The following CTTNBP2 variants were observed in gnomAD, a reference collection of about 807,000 sequenced individuals.
CTTNBP2 encodes the protein cortactin-binding protein 2.
In CTTNBP2, 108 loss-of-function variants were observed where a neutral mutation model predicts 156.9. The ratio of observed to expected loss-of-function variants is 0.69; its 90% CI spans 0.59 to 0.81. CTTNBP2 has a LOEUF of 0.81. Ranked by LOEUF, CTTNBP2 falls within the 30% of genes least tolerant of loss-of-function variation. The pLI, the probability that CTTNBP2 is intolerant of heterozygous loss-of-function variation, is 0.00. For missense variants in CTTNBP2, 1,924 were observed against 2,035.4 expected, an observed-to-expected ratio of 0.95 and a Z score of 1.05; for synonymous variants, 767 against 751.8, an observed-to-expected ratio of 1.02 and a Z score of -0.33.
At chr7:117,816,782 C>G (rs1000853350) in intron 2 of CTTNBP2, among the ~76,000 whole-genome samples, 7 of 151,962 alleles carry the variant, frequency 4.6e-5, no homozygotes, top group Admixed American at 4.6e-4. Flanking sequence ...AAAGGCAGAT[C>G]AACAACATAG....
At chr7:117,803,543 A>AT (rs1468989680) in intron 3 of CTTNBP2, among the ~76,000 whole-genome samples, 1 of 152,198 alleles carries the variant, frequency 6.6e-6, no homozygotes, top group Non-Finnish European at 1.5e-5. Context: ...AATCGAAATT[A>AT]TTTTTTAAAA....
chr7:117,838,967 CG>C (rs67694603), intron 2 of CTTNBP2, among the ~76,000 whole-genome samples: 41,026 of 94,918 alleles, frequency 0.43, 7,511 homozygotes, highest in Middle Eastern at 0.58. Flanking sequence ...ATTGCGGGGG[CG>C]GGGGGGGGGC....
chr7:117,782,513 C>A (rs1470721980), intron 6 of CTTNBP2, among the ~76,000 whole-genome samples: 3 of 152,078 alleles, frequency 2.0e-5, no homozygotes, highest in Non-Finnish European at 4.4e-5. Flanking sequence ...AGTAAAAAAT[C>A]TTTTAGGGGG....
intron 14 of CTTNBP2, among the ~76,000 whole-genome samples, chr7:117,744,938 G>A (rs1298110630): frequency 6.6e-6 from 1 of 152,158 alleles, no homozygotes; most frequent in African/African-American, 2.4e-5. Context: ...AAGAGATTTT[G>A]AATTTGCATT....
chr7:117,721,267 T>C (rs1435901940), intron 19 of CTTNBP2, 137 bp from the exon 20 acceptor site: 2 of 639,828 alleles, frequency 3.1e-6, no homozygotes, highest in Non-Finnish European at 5.5e-6. Context: ...TGAGGAGATT[T>C]TCCCCAGGAC....
chr7:117,802,455 A>C (rs1049656941), intron 3 of CTTNBP2, among the ~76,000 whole-genome samples: 4 of 143,606 alleles, frequency 2.8e-5, no homozygotes, highest in East Asian at 3.9e-4. Flanking sequence ...AAAAAAAAAA[A>C]AACAAAAACA....
At chr7:117,840,024 C>A (rs377492107) in intron 2 of CTTNBP2, among the ~76,000 whole-genome samples, 37 of 152,130 alleles carry the variant, frequency 2.4e-4, no homozygotes, top group African/African-American at 8.5e-4. Flanking sequence ...TACATACACA[C>A]GTTTATATGT....
chr7:117,731,886 G>T (rs563817960), intron 16 of CTTNBP2, among the ~76,000 whole-genome samples: 23 of 152,310 alleles, frequency 1.5e-4, no homozygotes, highest in Middle Eastern at 6.8e-3. Context: ...GCAGACAAAG[G>T]AGAAAGCTGG....
intron 3 of CTTNBP2, among the ~76,000 whole-genome samples, chr7:117,805,509 C>T (rs1468620670): frequency 2.6e-5 from 4 of 152,156 alleles, no homozygotes; most frequent in African/African-American, 9.7e-5. Context: ...ATAATAATAG[C>T]CTCTACAGTA....
At chr7:117,805,369 C>A (rs1356023099) in intron 3 of CTTNBP2, among the ~76,000 whole-genome samples, 1 of 152,170 alleles carries the variant, frequency 6.6e-6, no homozygotes, top group Non-Finnish European at 1.5e-5. Flanking sequence ...AGTTCTACCA[C>A]CGAGTGGCTA....
At position 117,777,533 on chromosome 7, in the gene CTTNBP2, A is replaced by G; in HGVS notation, c.2756T>C (p.Ile919Thr). The G allele has an allele frequency of 6.2e-7, 1 of 1,613,432 alleles. No homozygotes were observed. The highest frequency in any genetic ancestry group is 1.1e-5 in the South Asian group (1 of 91,050). ...ANREGWTAAH[I>T]AASKGFKNCL... The stretch of plus-strand genomic sequence containing the variant: ...CACCTTAAAACCTTTGGAAGCAGCA[A>G]TGTGGGCAGCAGTCCAGCCTTCTCT... The change falls in exon 8 of 23, where the codon ATT becomes ACT. Residue 919 changes from isoleucine (I) to threonine (T), a missense_variant. Physicochemically the swap from Ile to Thr is moderately conservative, Grantham distance 89. Coordinates refer to ENST00000160373, the MANE Select transcript of CTTNBP2 (RefSeq NM_033427.3).
chr7:117,781,242 A>G (rs1053559835), intron 6 of CTTNBP2, among the ~76,000 whole-genome samples: 1 of 152,254 alleles, frequency 6.6e-6, no homozygotes, highest in African/African-American at 2.4e-5. Context: ...TACTAGCTAA[A>G]CATGTAGAGC....
intron 1 of CTTNBP2, among the ~76,000 whole-genome samples, chr7:117,870,628 C>T (rs1404320975): frequency 6.6e-6 from 1 of 152,188 alleles, no homozygotes; most frequent in Non-Finnish European, 1.5e-5. Flanking sequence ...TCTCCATTTT[C>T]CTTTCATTCC....
intron 2 of CTTNBP2, among the ~76,000 whole-genome samples, chr7:117,830,532 C>T (rs1801536249): frequency 6.6e-6 from 1 of 152,156 alleles, no homozygotes; most frequent in Admixed American, 6.5e-5. Context: ...CTTAGAGTGT[C>T]ATGAACACTC....
intron 2 of CTTNBP2, among the ~76,000 whole-genome samples, chr7:117,855,456 G>A (rs1165717100): frequency 6.6e-6 from 1 of 152,144 alleles, no homozygotes; most frequent in East Asian, 1.9e-4. Context: ...TCCTTGACTA[G>A]TATTACCTCC....
intron 8 of CTTNBP2, among the ~76,000 whole-genome samples, chr7:117,768,581 A>AAAAAAAAAAAAAAAAAAAAAAG (rs1554419704): frequency 8.1e-5 from 8 of 99,112 alleles, no homozygotes; most frequent in African/African-American, 9.5e-5. Context: ...AAAAAAAAAA[A>AAAAAAAAAAAAAAAAAAAAAAG]AAAGAAAGAA....
chr7:117,873,403 C>A lies in CTTNBP2; in HGVS notation c.13G>T (p.Gly5Cys). Residue 5 changes from glycine (G) to cysteine (C), a missense_variant, in exon 1 of 23, where the codon GGC becomes TGC. Physicochemically the swap from Gly to Cys is radical, Grantham distance 159 (BLOSUM62 -3). Coordinates refer to ENST00000160373, the MANE Select transcript of CTTNBP2 (RefSeq NM_033427.3). ...GACAAGTCGGGCTCGCAGCTCGCGCCGTCCGTCGCCATCTTCCTGCTCTAG... is the reference window on the plus strand; with the variant it reads ...GACAAGTCGGGCTCGCAGCTCGCGCAGTCCGTCGCCATCTTCCTGCTCTAG... MATD[G>C]ASCEPDLSRA... 4 of 1,494,402 alleles carry A rather than the reference C, an allele frequency of 2.7e-6. No individual in the cohort carries two copies. The South Asian group carries it at 3.8e-5, about 14-fold the overall frequency. The allele number at this position is 1,494,402 out of a possible 1,614,324, so 92.6% of individuals were successfully genotyped here. A position where few individuals can be genotyped will look rare whatever the true frequency, so the allele number is the denominator to read the frequency against.
At chr7:117,746,207 A>G (rs1410860558) in intron 12 of CTTNBP2, 108 bp from the exon 13 acceptor site, 2 of 726,366 alleles carry the variant, frequency 2.8e-6, no homozygotes, top group African/African-American at 3.6e-5. Flanking sequence ...TACTTTCAAA[A>G]GATTAAAAAC....
intron 2 of CTTNBP2, among the ~76,000 whole-genome samples, chr7:117,817,361 A>AAAT (rs1554437688): frequency 3.2e-4 from 17 of 53,312 alleles, no homozygotes; most frequent in Admixed American, 8.1e-4. Context: ...AAAAAAAAAA[A>AAAT]ATATATATAT....
Sources: gnomAD v4.1 joint callset for allele counts (sites outside exome capture counted in the v4.1 genomes callset) on GRCh38, gnomAD v4.1.1 for gene constraint, MANE v1.5 for transcripts, NCBI Gene and HGNC (gene_info 2026-07-23, HGNC 2026-07-21) for gene names.